The following MED28 variants were observed in gnomAD, a reference collection of about 807,000 sequenced individuals.
MED28 encodes mediator complex subunit 28.
MED28 carries 26 observed loss-of-function variants against 21.3 expected under a neutral mutation model. The observed-to-expected ratio is 1.22, with a 90% confidence interval of 0.89 to 1.69. The LOEUF is 1.69. Ranked by LOEUF, MED28 falls within the 40% of genes most tolerant of loss-of-function variation. MED28 has a pLI of 0.00. For synonymous variants in MED28, 110 were observed against 87.6 expected (o/e 1.26, Z -1.43); for missense variants, 257 against 215.4 (o/e 1.19, Z -1.21).
rs769617396 is a variant in MED28, at chr4:17,629,979, G to T, written c.*6181G>T. 6.6e-6 allele frequency: 1 copy of T among 152,146 alleles called. No individual in the cohort carries two copies. Among genetic ancestry groups the T allele is most frequent in the Non-Finnish European group, 1.5e-5 (1 of 68,026 alleles). 9.4% of individuals were successfully genotyped at this position (152,146 alleles called of 1,614,324 possible). On this transcript the variant is annotated 3_prime_UTR_variant, in exon 4 of 4. Coordinates refer to ENST00000237380, the MANE Select transcript of MED28 (RefSeq NM_025205.5). Reference sequence around the variant, plus strand: ...CCTCAATAAAAAATTATGGAAGCATGCAAAGATTTTGTTAACAAAGATATA... The same window carrying T: ...CCTCAATAAAAAATTATGGAAGCATTCAAAGATTTTGTTAACAAAGATATA...
chr4:17,619,093 G>C lies in MED28; in HGVS notation c.160-808G>C, dbSNP rs577668599. On this transcript the variant is annotated intron_variant, in intron 1 of 3. Transcript: ENST00000237380. ...TAACTCCTTTTCCAACTGCCATGCT[G>C]TTCTCTTTCTGTGCCTCCCCAATCT... 4.7e-4 allele frequency among the ~76,000 whole-genome samples: 72 copies of C among 152,336 alleles called. 1 individual carries two copies. The South Asian group carries it at 6.4e-3, about 14-fold the overall frequency.
intron 1 of MED28, among the ~76,000 whole-genome samples, chr4:17,616,545 C>G (rs140239170): frequency 1.3e-5 from 2 of 152,150 alleles, no homozygotes; most frequent in Non-Finnish European, 2.9e-5. Flanking sequence ...TTGCATGTTG[C>G]GTTCTCTCCT....
Position 17,628,645 on chromosome 4 carries a change from T to G in MED28, c.*4847T>G, listed in dbSNP as rs1367419852. The stretch of plus-strand genomic sequence containing the variant: ...CCAGTGAATGTCTTGCACTTCTAAT[T>G]GTGTCTCGGGGCATGCCTGGTGGAG... On this transcript the variant is annotated 3_prime_UTR_variant, in exon 4 of 4. Coordinates refer to ENST00000237380, the MANE Select transcript of MED28 (RefSeq NM_025205.5). 1.3e-5 allele frequency: 2 copies of G among 152,162 alleles called. No individual in the cohort carries two copies. The highest frequency in any genetic ancestry group is 4.8e-5 in the African/African-American group (2 of 41,416). 9.4% of individuals were successfully genotyped at this position (152,162 alleles called of 1,614,324 possible). A position where few individuals can be genotyped will look rare whatever the true frequency, so the allele number is the denominator to read the frequency against.
chr4:17,627,834 A>C lies in MED28; in HGVS notation c.*4036A>C, dbSNP rs1275315678. On this transcript the variant is annotated 3_prime_UTR_variant, in exon 4 of 4. Transcript: ENST00000237380. ...ACAGAGTAAGACTTCGTCTCAAAAA[A>C]TAAAAAATAAAAAAATACTGAGCAG... The C allele has an allele frequency of 6.6e-6, 1 of 152,328 alleles. No individual in the cohort carries two copies. The highest frequency in any genetic ancestry group is 2.4e-5 in the African/African-American group (1 of 41,426). The allele number at this position is 152,328 out of a possible 1,614,324, so 9.4% of individuals were successfully genotyped here. A position where few individuals can be genotyped will look rare whatever the true frequency, so the allele number is the denominator to read the frequency against.
chr4:17,628,203 C>T lies in MED28; in HGVS notation c.*4405C>T, dbSNP rs775758512. The stretch of plus-strand genomic sequence containing the variant: ...CAAAGAAAATTCAAGGTCAGTTTAC[C>T]ACTCACAAAATACCAAACATCCTTC... On this transcript the variant is annotated 3_prime_UTR_variant, in exon 4 of 4. Coordinates refer to ENST00000237380, the MANE Select transcript of MED28 (RefSeq NM_025205.5). 2 of 151,534 alleles carry T rather than the reference C, an allele frequency of 1.3e-5. No individual in the cohort carries two copies. The highest frequency in any genetic ancestry group is 2.9e-5 in the Non-Finnish European group (2 of 68,042). 9.4% of individuals were successfully genotyped at this position (151,534 alleles called of 1,614,324 possible). A position where few individuals can be genotyped will look rare whatever the true frequency, so the allele number is the denominator to read the frequency against.
rs1226346750 is a variant in MED28 at position 17,629,670 on chromosome 4, T to G, written c.*5872T>G. ...TCTCTCTCTTAACTTAATCCCGAAT[T>G]GGATAATTTCTCTTCATCTTCACTG... is the stretch of plus-strand genomic sequence containing the variant. On this transcript the variant is annotated 3_prime_UTR_variant, in exon 4 of 4. Coordinates refer to ENST00000237380, the MANE Select transcript of MED28 (RefSeq NM_025205.5). The G allele has an allele frequency of 6.6e-6, 1 of 152,226 alleles. No individual in the cohort carries two copies. Among genetic ancestry groups the G allele is most frequent in the Non-Finnish European group, 1.5e-5 (1 of 68,042 alleles). 9.4% of individuals were successfully genotyped at this position (152,226 alleles called of 1,614,324 possible).
At position 17,627,068 on chromosome 4, in the gene MED28, A is replaced by AT. The variant is rs1714788113; in HGVS notation, c.*3274dup. The AT allele has an allele frequency of 6.7e-6, 1 of 150,346 alleles. No homozygotes were observed. The highest frequency in any genetic ancestry group is 2.1e-4 in the South Asian group (1 of 4,774). The allele number at this position is 150,346 out of a possible 1,614,324, so 9.3% of individuals were successfully genotyped here. A position where few individuals can be genotyped will look rare whatever the true frequency, so the allele number is the denominator to read the frequency against. ...AACCTCTGCCTCCCGGGTTCAAGTAATTTTCCTACGTCAGCCTCCCGAGTA... is the reference window on the plus strand; with the variant it reads ...AACCTCTGCCTCCCGGGTTCAAGTAATTTTTCCTACGTCAGCCTCCCGAGTA... On this transcript the variant is annotated 3_prime_UTR_variant, in exon 4 of 4. Coordinates refer to ENST00000237380, the MANE Select transcript of MED28 (RefSeq NM_025205.5).
Position 17,626,902 on chromosome 4 carries a change from A to C in MED28, c.*3104A>C, listed in dbSNP as rs1325527117. 1.3e-5 allele frequency: 2 copies of C among 151,650 alleles called. No individual in the cohort carries two copies. The highest frequency in any genetic ancestry group is 3.9e-4 in the East Asian group (2 of 5,170). 9.4% of individuals were successfully genotyped at this position (151,650 alleles called of 1,614,324 possible). A position where few individuals can be genotyped will look rare whatever the true frequency, so the allele number is the denominator to read the frequency against. On this transcript the variant is annotated 3_prime_UTR_variant, in exon 4 of 4. Coordinates refer to ENST00000237380, the MANE Select transcript of MED28 (RefSeq NM_025205.5). ...AGCCATTTGACATTCCTCCCAGAAG[A>C]ACCTCTGCCTCCCAGAGGTTTAAGC...
chr4:17,634,013 T>C lies in MED28; in HGVS notation c.*10215T>C, dbSNP rs1715048419. On this transcript the variant is annotated 3_prime_UTR_variant, in exon 4 of 4. Coordinates refer to ENST00000237380, the MANE Select transcript of MED28 (RefSeq NM_025205.5). The stretch of plus-strand genomic sequence containing the variant: ...GGAGAAGAAGCAACAATTTCATTTA[T>C]ACACTTACATGCTATTTTTTAAAGC... The C allele has an allele frequency of 1.7e-5, 11 of 647,010 alleles. 1 individual carries two copies. In the South Asian group the frequency reaches 4.0e-4, roughly 23 times the overall value. The allele number at this position is 647,010 out of a possible 1,614,324, so 40.1% of individuals were successfully genotyped here.
At position 17,615,054 on chromosome 4, in the gene MED28, A is replaced by G. The variant is rs142989285; in HGVS notation, c.159+241A>G. The stretch of plus-strand genomic sequence containing the variant: ...GAACCCGAAGTTTGCCTAAACCCCA[A>G]ACTTGGAACCCTTCCAGATTCCCAG... On this transcript the variant is annotated intron_variant, in intron 1 of 3. Coordinates refer to ENST00000237380, the MANE Select transcript of MED28 (RefSeq NM_025205.5). 9.2e-5 allele frequency among the ~76,000 whole-genome samples: 14 copies of G among 152,308 alleles called. No individual in the cohort carries two copies. In the East Asian group the frequency reaches 2.3e-3, roughly 25 times the overall value.
rs765550800 is a variant in MED28, at chr4:17,616,632, C to T, written c.159+1819C>T. 3.4e-4 allele frequency among the ~76,000 whole-genome samples: 51 copies of T among 152,166 alleles called. 1 individual carries two copies. The highest frequency in any genetic ancestry group is 6.5e-4 in the Non-Finnish European group (44 of 68,034). ...TTGTTTTCTCTTTGGGCTTCCAGGC[C>T]GCTCCTCAGCTCACTGCATCACTTC... On this transcript the variant is annotated intron_variant, in intron 1 of 3. Coordinates refer to ENST00000237380, the MANE Select transcript of MED28 (RefSeq NM_025205.5).
intron 3 of MED28, 54 bp from the exon 4 acceptor site, chr4:17,623,547 C>G: frequency 1.9e-6 from 3 of 1,554,894 alleles, no homozygotes; most frequent in African/African-American, 1.4e-5. Flanking sequence ...TAACCAGAAC[C>G]GTATGTGTTT....
intron 2 of MED28, chr4:17,620,211 T>C (rs752358024): frequency 4.1e-6 from 2 of 491,098 alleles, no homozygotes; most frequent in Non-Finnish European, 7.3e-6. Context: ...AGAAGACCAA[T>C]AGTGTGTACT....
At position 17,632,738 on chromosome 4, in the gene MED28, C is replaced by G; in HGVS notation, c.*8940C>G. On this transcript the variant is annotated 3_prime_UTR_variant, in exon 4 of 4. Transcript: ENST00000237380. ...CTGCTTGTTTACTCTTCAAAAACAC[C>G]CAAATGGGACTGGCCAACATTAGTA... 7.2e-6 allele frequency: 5 copies of G among 693,348 alleles called. No individual in the cohort carries two copies. Among genetic ancestry groups the G allele is most frequent in the Non-Finnish European group, 1.2e-5 (5 of 409,770 alleles). The allele number at this position is 693,348 out of a possible 1,614,324, so 42.9% of individuals were successfully genotyped here.
chr4:17,618,583 C>T (rs990158027), intron 1 of MED28, among the ~76,000 whole-genome samples: 2 of 152,106 alleles, frequency 1.3e-5, no homozygotes, highest in African/African-American at 4.8e-5. Flanking sequence ...GTGGTGCAGT[C>T]TTGGCTCACT....
In MED28 at chr4:17,633,411, G is replaced by A. The variant is rs1030777257; in HGVS notation, c.*9613G>A. ...GTATTATCTTAATTTTAAAGGCAAGGTATATGGAGACCTGGAGAGGTCAAG... is the reference window on the plus strand; with the variant it reads ...GTATTATCTTAATTTTAAAGGCAAGATATATGGAGACCTGGAGAGGTCAAG... On this transcript the variant is annotated 3_prime_UTR_variant, in exon 4 of 4. Coordinates refer to ENST00000237380, the MANE Select transcript of MED28 (RefSeq NM_025205.5). The A allele has an allele frequency of 1.7e-5, 5 of 296,520 alleles. No individual in the cohort carries two copies. The South Asian group carries it at 5.6e-4, about 33-fold the overall frequency. The allele number at this position is 296,520 out of a possible 1,614,324, so 18.4% of individuals were successfully genotyped here.
chr4:17,615,604 G>A (rs1053030626), intron 1 of MED28, among the ~76,000 whole-genome samples: 2 of 152,172 alleles, frequency 1.3e-5, no homozygotes, highest in African/African-American at 4.8e-5. Flanking sequence ...GAGGTCAGGA[G>A]TTCGAGACCA....
rs1714902887 is a variant in MED28 at position 17,630,708 on chromosome 4, A to G, written c.*6910A>G. The G allele has an allele frequency of 6.6e-6, 1 of 152,222 alleles. No homozygotes were observed. The highest frequency in any genetic ancestry group is 1.5e-5 in the Non-Finnish European group (1 of 68,046). 9.4% of individuals were successfully genotyped at this position (152,222 alleles called of 1,614,324 possible). ...AGTGTTTGTTTGCATTTAAAAATGC[A>G]TTGGAGCCTCGTTTTGATTAGGCAG... On this transcript the variant is annotated 3_prime_UTR_variant, in exon 4 of 4. Coordinates refer to ENST00000237380, the MANE Select transcript of MED28 (RefSeq NM_025205.5).
At position 17,624,837 on chromosome 4, in the gene MED28, C is replaced by G. The variant is rs943620748; in HGVS notation, c.*1039C>G. On this transcript the variant is annotated 3_prime_UTR_variant, in exon 4 of 4. Transcript: ENST00000237380. Reference sequence around the variant, plus strand: ...TGCCTTTGGGAGGGTATTTTGCTCTCGTTAGTTTTGTGGGCAGCCTCAGAT... The same window carrying G: ...TGCCTTTGGGAGGGTATTTTGCTCTGGTTAGTTTTGTGGGCAGCCTCAGAT... 1 of 151,988 alleles carries G rather than the reference C, an allele frequency of 6.6e-6. No individual in the cohort carries two copies. Among genetic ancestry groups the G allele is most frequent in the Admixed American group, 6.6e-5 (1 of 15,258 alleles). The allele number at this position is 151,988 out of a possible 1,614,324, so 9.4% of individuals were successfully genotyped here. A position where few individuals can be genotyped will look rare whatever the true frequency, so the allele number is the denominator to read the frequency against.
Sources: gnomAD v4.1 joint callset for allele counts (sites outside exome capture counted in the v4.1 genomes callset) on GRCh38, gnomAD v4.1.1 for gene constraint, MANE v1.5 for transcripts, NCBI Gene and HGNC (gene_info 2026-07-23, HGNC 2026-07-21) for gene names.